SKAP1: variants seen among roughly 807,000 people sequenced by gnomAD.
The protein encoded by SKAP1 is src kinase associated phosphoprotein 1, also known as src kinase-associated phosphoprotein 1.
SKAP1 carries 44 observed loss-of-function variants against 58.5 expected under a neutral mutation model. The ratio of observed to expected loss-of-function variants is 0.75; its 90% confidence interval spans 0.59 to 0.97. The LOEUF (loss-of-function observed/expected upper bound fraction) is 0.97. Among genes scored for constraint, SKAP1 ranks in the 50% least tolerant of loss-of-function variants. The probability of loss-of-function intolerance (pLI) is 0.00; values close to 1 mark genes in which losing one functional copy is unlikely to be tolerated. For synonymous variants in SKAP1, 127 were observed against 149.7 expected (o/e 0.85, Z 1.11); for missense variants, 390 against 435.2 (o/e 0.90, Z 0.92).
At chr17:48,215,732 G>A (rs1372467994) in intron 4 of SKAP1, among the ~76,000 whole-genome samples, 1 of 152,132 alleles carries the variant, frequency 6.6e-6, no homozygotes, top group Non-Finnish European at 1.5e-5. Context: ...TGACAGGCAG[G>A]GGCCCACAGA....
chr17:48,313,151 G>T (rs1446395286), intron 4 of SKAP1, among the ~76,000 whole-genome samples: 3 of 151,626 alleles, frequency 2.0e-5, no homozygotes, highest in African/African-American at 7.3e-5. Context: ...GGGCGGTGGG[G>T]GGGTGGGAGG....
intron 4 of SKAP1, among the ~76,000 whole-genome samples, chr17:48,193,129 C>T (rs1002223665): frequency 6.6e-6 from 1 of 152,144 alleles, no homozygotes; most frequent in Non-Finnish European, 1.5e-5. Flanking sequence ...GCAACCTCCA[C>T]CTCCCGGGTT....
intron 4 of SKAP1, chr17:48,196,575 C>T (rs12452956): frequency 0.56 from 84,942 of 151,978 alleles, 24,731 homozygotes; most frequent in East Asian, 0.77. Context: ...GTGCATTTAC[C>T]CAGTGTCTAC....
intron 1 of SKAP1, among the ~76,000 whole-genome samples, chr17:48,420,189 A>T (rs1183172229): frequency 6.6e-6 from 1 of 152,230 alleles, no homozygotes; most frequent in Non-Finnish European, 1.5e-5. Flanking sequence ...TGAAAAAATT[A>T]GATCTATGAT....
intron 1 of SKAP1, among the ~76,000 whole-genome samples, chr17:48,407,675 A>G (rs1181037230): frequency 1.3e-5 from 2 of 152,146 alleles, no homozygotes; most frequent in East Asian, 3.8e-4. Flanking sequence ...CGTGGGCAAC[A>G]TGATGAAACT....
intron 4 of SKAP1, among the ~76,000 whole-genome samples, chr17:48,322,850 C>G (rs900992733): frequency 8.5e-5 from 13 of 152,340 alleles, no homozygotes; most frequent in African/African-American, 2.4e-4. Flanking sequence ...AATCCCAGCA[C>G]GTTGGGAGGC....
At chr17:48,335,796 T>C (rs752720490) in intron 4 of SKAP1, among the ~76,000 whole-genome samples, 1 of 152,128 alleles carries the variant, frequency 6.6e-6, no homozygotes, top group Non-Finnish European at 1.5e-5. Flanking sequence ...CTCAAGATTA[T>C]AGTTTTATTT....
At chr17:48,432,452 A>T, upstream of SKAP1, among the ~76,000 whole-genome samples, 1 of 152,036 alleles carries the variant, frequency 6.6e-6, no homozygotes, top group East Asian at 1.9e-4. Flanking sequence ...AAAGAAAGAA[A>T]GAAAGTATAG....
intron 4 of SKAP1, 109 bp downstream of exon 4, chr17:48,345,795 AG>A: frequency 1.4e-6 from 1 of 718,318 alleles, no homozygotes. Flanking sequence ...TTACCAGTAC[AG>A]AAAACCCACC....
At chr17:48,343,466 G>C (rs1206690250) in intron 4 of SKAP1, among the ~76,000 whole-genome samples, 1 of 152,122 alleles carries the variant, frequency 6.6e-6, no homozygotes, top group African/African-American at 2.4e-5. Context: ...CATTTAAACA[G>C]TATCACATCA....
intron 4 of SKAP1, among the ~76,000 whole-genome samples, chr17:48,208,878 G>C (rs1475588029): frequency 6.6e-6 from 1 of 152,172 alleles, no homozygotes; most frequent in Non-Finnish European, 1.5e-5. Flanking sequence ...TGAGAGGCAA[G>C]TGTCTGGATG....
chr17:48,308,202 C>G (rs2066175010), intron 4 of SKAP1: 1 of 152,150 alleles, frequency 6.6e-6, no homozygotes, highest in African/African-American at 2.4e-5. Context: ...AAGAAAAATA[C>G]CTTTGTATTT....
intron 1 of SKAP1, among the ~76,000 whole-genome samples, chr17:48,424,614 T>G (rs1453126409): frequency 1.3e-5 from 2 of 151,376 alleles, no homozygotes; most frequent in Admixed American, 1.3e-4. Context: ...ATCACAAACA[T>G]CCAGAGCATA....
rs751222794 is a variant in SKAP1, at chr17:48,430,111, C to T, written c.10G>A (p.Ala4Thr). 4 of 1,262,112 alleles carry T rather than the reference C, an allele frequency of 3.2e-6. No homozygotes were observed. Among genetic ancestry groups the T allele is most frequent in the South Asian group, 3.9e-5 (1 of 25,960 alleles). The allele number at this position is 1,262,112 out of a possible 1,614,324, so 78.2% of individuals were successfully genotyped here. Residue 4 changes from alanine (A) to threonine (T), a missense_variant, in exon 1 of 13, where the codon GCC (alanine) becomes ACC (threonine). Transcript: ENST00000336915. ...CAACGGATCTCCTCAGGGAGGGCGGCGGCCTGCATTTGGCTGGGCGGGAGA... is the reference window on the plus strand; with the variant it reads ...CAACGGATCTCCTCAGGGAGGGCGGTGGCCTGCATTTGGCTGGGCGGGAGA... Reference protein sequence around the residue: MQAAALPEEIRWLL... With the variant: MQATALPEEIRWLL...
intron 4 of SKAP1, among the ~76,000 whole-genome samples, chr17:48,271,135 A>C (rs1313065404): frequency 6.6e-6 from 1 of 152,008 alleles, no homozygotes; most frequent in Non-Finnish European, 1.5e-5. Flanking sequence ...CTATTTTTAA[A>C]CTCCAGAAAA....
At chr17:48,211,755 G>A (rs535088506) in intron 4 of SKAP1, among the ~76,000 whole-genome samples, 8 of 152,164 alleles carry the variant, frequency 5.3e-5, no homozygotes, top group South Asian at 4.2e-4. Context: ...GGTTTATGTC[G>A]TCCACCATGT....
chr17:48,170,534 C>G (rs1479574522), intron 10 of SKAP1, 75 bp downstream of exon 10: 2 of 1,261,666 alleles, frequency 1.6e-6, no homozygotes, highest in Non-Finnish European at 1.2e-6. Context: ...TTTGTAGTCT[C>G]AGAGAAAGGT....
intron 2 of SKAP1, among the ~76,000 whole-genome samples, chr17:48,388,862 T>C (rs1319982301): frequency 2.0e-5 from 3 of 152,244 alleles, no homozygotes; most frequent in Non-Finnish European, 4.4e-5. Context: ...AGGCACTTGG[T>C]AAACGTGATA....
chr17:48,180,320 G>A, intron 8 of SKAP1, 72 bp from the exon 9 acceptor site: 1 of 1,169,538 alleles, frequency 8.6e-7, no homozygotes. Flanking sequence ...GAAAGAGGGA[G>A]AAGGAGGAGG....
Sources: allele counts gnomAD v4.1 joint callset (sites outside exome capture counted in the v4.1 genomes callset), GRCh38; gene constraint gnomAD v4.1.1; transcripts MANE v1.5; gene names NCBI Gene and HGNC (gene_info 2026-07-23, HGNC 2026-07-21).